The following DOCK8 variants were observed in gnomAD, a reference collection of about 807,000 sequenced individuals.
DOCK8 encodes the protein dedicator of cytokinesis protein 8.
A neutral mutation model predicts 245.6 loss-of-function variants in DOCK8; 141 were observed. That is an observed-to-expected ratio of 0.57 (90% CI 0.50 to 0.66). The LOEUF is 0.66. Ranked by LOEUF, DOCK8 falls within the 30% of genes least tolerant of loss-of-function variation. The pLI is 0.00. For synonymous variants in DOCK8, 1,168 were observed against 970.2 expected, an observed-to-expected ratio of 1.20 and a Z score of -3.79; for missense variants, 2,965 against 2,603.4, an observed-to-expected ratio of 1.14 and a Z score of -3.02.
chr9:249,819 G>A (rs62531306), intron 1 of DOCK8, among the ~76,000 whole-genome samples: 8,085 of 151,364 alleles, frequency 0.053, 234 homozygotes, highest in South Asian at 0.069. Flanking sequence ...GTGGGCAAGG[G>A]GTTTCACCAT....
At chr9:284,415 C>T (rs581630) in intron 2 of DOCK8, 74,513 of 151,868 alleles carry the variant, frequency 0.49, 18,773 homozygotes, top group East Asian at 0.75. Flanking sequence ...TTCAGCTGAC[C>T]TTCAGGTCCC....
At chr9:254,402 C>T (rs1295489503) in intron 1 of DOCK8, among the ~76,000 whole-genome samples, 1 of 152,140 alleles carries the variant, frequency 6.6e-6, no homozygotes, top group Non-Finnish European at 1.5e-5. Context: ...CTGAAGCGTA[C>T]CCTATAATTA....
chr9:278,397 A>G (rs903659410), intron 2 of DOCK8, among the ~76,000 whole-genome samples: 1 of 152,238 alleles, frequency 6.6e-6, no homozygotes, highest in Non-Finnish European at 1.5e-5. Flanking sequence ...CGTTTTAGAA[A>G]TATGTATTGG....
At chr9:365,328 C>CT (rs1391626214) in intron 14 of DOCK8, among the ~76,000 whole-genome samples, 4 of 152,246 alleles carry the variant, frequency 2.6e-5, no homozygotes, top group African/African-American at 9.6e-5. Context: ...GTGGGTCTGA[C>CT]TTGTTAGCCA....
intron 32 of DOCK8, among the ~76,000 whole-genome samples, 160 bp downstream of exon 32, chr9:421,238 T>A (rs941737358): frequency 6.6e-6 from 1 of 152,220 alleles, no homozygotes; most frequent in African/African-American, 2.4e-5. Flanking sequence ...GACATTTGTG[T>A]TAGCCCTGTG....
At chr9:421,212 C>A in intron 32 of DOCK8, 134 bp downstream of exon 32, 1 of 1,232,054 alleles carries the variant, frequency 8.1e-7, no homozygotes, top group Non-Finnish European at 1.2e-6. Context: ...ACAGCGGATT[C>A]TGGGAGTCTG....
At chr9:447,472 A>G (rs779916383) in intron 44 of DOCK8, among the ~76,000 whole-genome samples, 2 of 152,166 alleles carry the variant, frequency 1.3e-5, no homozygotes, top group African/African-American at 2.4e-5. Flanking sequence ...TTGTTAAACA[A>G]TTTGAGAGCA....
At chr9:296,293 T>C (rs2049257165) in intron 4 of DOCK8, among the ~76,000 whole-genome samples, 1 of 152,238 alleles carries the variant, frequency 6.6e-6, no homozygotes, top group African/African-American at 2.4e-5. Context: ...AAGCTTTATT[T>C]CTTCTGTCAT....
At position 420,565 on chromosome 9, in the gene DOCK8, G is replaced by C. The variant is rs1229218535; in HGVS notation, c.4005G>C (p.Val1335=). ...NRILDLLFIC[V]LCFEYKGKQS... ...TTTTAGATCTACTTTTCATCTGTGT[G>C]TTATGTTTTGAGTATAAGGTAAGTC... The change falls in exon 31 of 48, where the codon GTG becomes GTC. Residue 1335 remains valine (V), a synonymous_variant. Transcript: ENST00000432829. The C allele has an allele frequency of 1.9e-6, 3 of 1,614,132 alleles. No homozygotes were observed. The highest frequency in any genetic ancestry group is 2.2e-5 in the East Asian group (1 of 44,884).
At chr9:291,962 C>G (rs369301192) in intron 4 of DOCK8, among the ~76,000 whole-genome samples, 2 of 147,956 alleles carry the variant, frequency 1.4e-5, no homozygotes, top group Admixed American at 1.4e-4. Context: ...CCTAGCTACT[C>G]GGGAGGCTGA....
chr9:353,272 G>C (rs997193956), intron 14 of DOCK8, among the ~76,000 whole-genome samples: 4 of 61,912 alleles, frequency 6.5e-5, no homozygotes, highest in Admixed American at 4.1e-4. Flanking sequence ...TGTTTATAGA[G>C]GCAGCTGGGG....
At position 404,096 on chromosome 9, in the gene DOCK8, G is replaced by A. The variant is rs1173015481; in HGVS notation, c.3235-822G>A. Among the ~76,000 whole-genome samples, 8 of 151,050 alleles carry A rather than the reference G, an allele frequency of 5.3e-5. No individual in the cohort carries two copies. In the South Asian group the frequency reaches 1.7e-3, roughly 32 times the overall value. ...TGATGCTTCATATTTCTGTGCTGGG[G>A]TGGGGGGTGATAATGATGAAATATT... On this transcript the variant is annotated intron_variant, in intron 26 of 47. Coordinates refer to ENST00000432829, the MANE Select transcript of DOCK8 (RefSeq NM_203447.4).
chr9:419,490 A>G (rs1051099355), intron 30 of DOCK8, among the ~76,000 whole-genome samples: 2 of 152,246 alleles, frequency 1.3e-5, no homozygotes, highest in Non-Finnish European at 2.9e-5. Flanking sequence ...TTCACCTGTT[A>G]GAACATAGTC....
At chr9:340,628 A>G (rs2130926206) in intron 14 of DOCK8, 1 of 228,006 alleles carries the variant, frequency 4.4e-6, no homozygotes, top group East Asian at 1.0e-4. Context: ...CTCAAAAAAA[A>G]AAGAAAAAAA....
chr9:318,582 C>A (rs1392399232), intron 7 of DOCK8, among the ~76,000 whole-genome samples: 1 of 152,242 alleles, frequency 6.6e-6, no homozygotes, highest in African/African-American at 2.4e-5. Context: ...ATTATAGTCT[C>A]CTCCCGCTGG....
In DOCK8 at chr9:464,598, AG is replaced by A. The variant is rs559955787; in HGVS notation, c.*381del. 1.6e-4 allele frequency: 44 copies of A among 273,060 alleles called. No individual in the cohort carries two copies. Among genetic ancestry groups the A allele is most frequent in the African/African-American group, 7.7e-4 (35 of 45,706 alleles). The allele number at this position is 273,060 out of a possible 1,614,324, so 16.9% of individuals were successfully genotyped here. A position where few individuals can be genotyped will look rare whatever the true frequency, so the allele number is the denominator to read the frequency against. On this transcript the variant is annotated 3_prime_UTR_variant, in exon 48 of 48. Coordinates refer to ENST00000432829, the MANE Select transcript of DOCK8 (RefSeq NM_203447.4). The stretch of plus-strand genomic sequence containing the variant: ...TTATTGGAGTAACTCAAATTGCCTG[AG>A]GAAAAATGGAAAAATTATCCACCAG...
chr9:249,842 G>A (rs1054710932), intron 1 of DOCK8, among the ~76,000 whole-genome samples: 67 of 150,412 alleles, frequency 4.5e-4, no homozygotes, highest in Non-Finnish European at 8.7e-4. Context: ...TGGTCAGGTT[G>A]GTCTCGAACT....
rs184804181 is a variant in DOCK8 at position 358,379 on chromosome 9, C to G, written c.1680-9639C>G. On this transcript the variant is annotated intron_variant, in intron 14 of 47. Transcript: ENST00000432829. ...AAAGTGCTGGGATTATAGGCCTGAG[C>G]CACTGTGCTCAACTGCTTCCCATTC... Among the ~76,000 whole-genome samples, 4 of 152,324 alleles carry G rather than the reference C, an allele frequency of 2.6e-5. No homozygotes were observed. In the East Asian group the frequency reaches 7.7e-4, roughly 29 times the overall value.
intron 24 of DOCK8, among the ~76,000 whole-genome samples, chr9:391,896 T>C (rs1403712765): frequency 6.7e-6 from 1 of 149,768 alleles, no homozygotes; most frequent in Non-Finnish European, 1.5e-5. Flanking sequence ...CCTAGCACTT[T>C]GGGAGGCTGA....
Sources: gnomAD v4.1 joint callset for allele counts (sites outside exome capture counted in the v4.1 genomes callset) on GRCh38, gnomAD v4.1.1 for gene constraint, MANE v1.5 for transcripts, NCBI Gene and HGNC (gene_info 2026-07-23, HGNC 2026-07-21) for gene names.